The following DOCK11 variants were observed in gnomAD, a reference collection of about 807,000 sequenced individuals.
DOCK11 encodes dedicator of cytokinesis protein 11.
A neutral mutation model predicts 169.1 loss-of-function variants in DOCK11; 70 were observed. The observed-to-expected ratio is 0.41, with a 90% CI of 0.34 to 0.51. The LOEUF (loss-of-function observed/expected upper bound fraction) is 0.51, where lower values mean the gene tolerates loss of function less well. Among genes scored for constraint, DOCK11 ranks in the 20% least tolerant of loss-of-function variants. The pLI is 0.10. For synonymous variants in DOCK11, 529 were observed against 541.3 expected (o/e 0.98, Z 0.32); for missense variants, 1,166 against 1,538.8 (o/e 0.76, Z 4.05).
rs916779439 is a variant in DOCK11, at chrX:118,566,752, G to C, written c.951+99G>C. On this transcript the variant is annotated intron_variant, in intron 9 of 52. Coordinates refer to ENST00000276202, the MANE Select transcript of DOCK11 (RefSeq NM_144658.4). ...TTCCATTTGGCAATGTCATTTCCAC[G>C]TTAAAAACCACAGCAAATTGGTGAA... 6.5e-6 allele frequency: 5 copies of C among 769,212 alleles called. No individual in the cohort carries two copies. In the Admixed American group the frequency reaches 1.3e-4, roughly 20 times the overall value. The allele number at this position is 769,212 out of a possible 1,213,427, so 63.4% of individuals were successfully genotyped here.
Position 118,593,232 on chromosome X carries a change from A to G in DOCK11, c.2158A>G (p.Ile720Val). Residue 720 changes from isoleucine (I) to valine (V), a missense_variant, in exon 20 of 53, where the codon ATT (isoleucine) becomes GTT (valine). Ile to Val is a conservative substitution (Grantham distance 29, BLOSUM62 3). Coordinates refer to ENST00000276202, the MANE Select transcript of DOCK11 (RefSeq NM_144658.4). Reference sequence around the variant, plus strand: ...ATTTCAGATTAAAATTGAGCTTCCCATTCACCTACATCAAAAACATCATTT... The same window carrying G: ...ATTTCAGATTAAAATTGAGCTTCCCGTTCACCTACATCAAAAACATCATTT... The part of the protein sequence containing the change: ...FYDEIKIELP[I>V]HLHQKHHLLF... 1.7e-6 allele frequency: 2 copies of G among 1,199,104 alleles called. No homozygotes were observed. The highest frequency in any genetic ancestry group is 3.7e-5 in the South Asian group (2 of 53,903).
chrX:118,658,151 C>T (rs1473381062), intron 44 of DOCK11, among the ~76,000 whole-genome samples: 2 of 111,393 alleles, frequency 1.8e-5, no homozygotes, highest in Non-Finnish European at 3.8e-5. Context: ...TAATTGGGCA[C>T]CTTTAGAACT....
chrX:118,624,153 A>C (rs1202113286), intron 31 of DOCK11, among the ~76,000 whole-genome samples: 1 of 112,925 alleles, frequency 8.9e-6, no homozygotes, highest in Non-Finnish European at 1.9e-5. Flanking sequence ...ACCATCTGCT[A>C]TGTGCCCAGG....
chrX:118,631,282 G>A (rs921514452), intron 35 of DOCK11, among the ~76,000 whole-genome samples: 9 of 110,009 alleles, frequency 8.2e-5, no homozygotes, highest in East Asian at 2.8e-4. Context: ...TAATTATTTC[G>A]TTTTAAATAT....
chrX:118,610,799 G>A (rs1269292854), intron 28 of DOCK11, among the ~76,000 whole-genome samples: 1 of 111,760 alleles, frequency 8.9e-6, no homozygotes, highest in Admixed American at 9.5e-5. Flanking sequence ...AGCACTTTGG[G>A]AGGCCGAGGT....
In DOCK11 at chrX:118,685,741, A is replaced by G. The variant is rs2016844250; in HGVS notation, c.6156A>G (p.Val2052=). ...CCTGGATGAGCAACACATTACATGT[A>G]TTTTGTGCAATTAGTGGTACATCAA... ...HSPWMSNTLH[V]FCAISGTSSD... Residue 2052 remains valine (V), a synonymous_variant, in exon 53 of 53, where the codon GTA becomes GTG. Coordinates refer to ENST00000276202, the MANE Select transcript of DOCK11 (RefSeq NM_144658.4). 2.5e-6 allele frequency: 3 copies of G among 1,210,843 alleles called. No individual in the cohort carries two copies. Among genetic ancestry groups the G allele is most frequent in the Non-Finnish European group, 3.4e-6 (3 of 894,617 alleles).
At chrX:118,501,490 AAAGT>A (rs1171410714) in intron 1 of DOCK11, among the ~76,000 whole-genome samples, 15 of 112,203 alleles carry the variant, frequency 1.3e-4, no homozygotes, top group African/African-American at 4.9e-4. Flanking sequence ...CGACTCAAAA[AAAGT>A]AATAATAATA....
intron 32 of DOCK11, among the ~76,000 whole-genome samples, chrX:118,624,908 G>A (rs1281119842): frequency 5.5e-5 from 6 of 108,586 alleles, no homozygotes; most frequent in African/African-American, 1.3e-4. Flanking sequence ...ACAGGCATAC[G>A]CCACCATGCC....
intron 1 of DOCK11, among the ~76,000 whole-genome samples, chrX:118,499,828 C>G (rs2057562145): frequency 9.0e-6 from 1 of 111,257 alleles, no homozygotes; most frequent in South Asian, 3.7e-4. Context: ...AAAATAGTCT[C>G]GCTACTGGAG....
intron 1 of DOCK11, among the ~76,000 whole-genome samples, chrX:118,512,670 C>T (rs906372859): frequency 1.7e-4 from 19 of 111,789 alleles, no homozygotes; most frequent in African/African-American, 6.2e-4. Flanking sequence ...CATCAGACAC[C>T]CATAGGGGCC....
At chrX:118,578,028 G>A (rs1249731335) in intron 12 of DOCK11, among the ~76,000 whole-genome samples, 1 of 112,098 alleles carries the variant, frequency 8.9e-6, no homozygotes, top group African/African-American at 3.2e-5. Flanking sequence ...ATGAGTTTTG[G>A]ATTCTCTGTC....
At chrX:118,563,714 T>A (rs2012985346) in intron 7 of DOCK11, among the ~76,000 whole-genome samples, 1 of 107,803 alleles carries the variant, frequency 9.3e-6, no homozygotes, top group South Asian at 4.0e-4. Context: ...TTTTTTCTTT[T>A]CTTTTTTTTT....
intron 35 of DOCK11, chrX:118,634,281 T>C (rs1307508117): frequency 9.0e-6 from 1 of 111,710 alleles, no homozygotes; most frequent in Non-Finnish European, 1.9e-5. Flanking sequence ...CAACCTCTCC[T>C]CCCTCCTACA....
intron 45 of DOCK11, among the ~76,000 whole-genome samples, chrX:118,668,718 G>C (rs757706601): frequency 1.7e-3 from 188 of 111,275 alleles, no homozygotes; most frequent in African/African-American, 5.6e-3. Context: ...ATAAATCTTT[G>C]CCAAAAAAGT....
intron 22 of DOCK11, 65 bp downstream of exon 22, chrX:118,598,181 C>A: frequency 1.2e-6 from 1 of 816,493 alleles, no homozygotes; most frequent in Non-Finnish European, 1.8e-6. Context: ...AAATAGACCA[C>A]ATTTGATTCC....
At chrX:118,563,572 A>G (rs918623584) in intron 7 of DOCK11, among the ~76,000 whole-genome samples, 1 of 110,235 alleles carries the variant, frequency 9.1e-6, no homozygotes, top group African/African-American at 3.3e-5. Context: ...ATTCATATAT[A>G]TGAATTCATA....
intron 1 of DOCK11, among the ~76,000 whole-genome samples, chrX:118,515,904 A>G (rs1390688386): frequency 9.9e-6 from 1 of 101,255 alleles, no homozygotes; most frequent in South Asian, 4.7e-4. Context: ...ACATTGGAAG[A>G]ATAACATGAA....
Position 118,672,647 on chromosome X carries a change from A to G in DOCK11, c.5199+1502A>G, listed in dbSNP as rs775848948. Among the ~76,000 whole-genome samples, 164 of 112,456 alleles carry G rather than the reference A, an allele frequency of 1.5e-3. 2 individuals carry two copies. Among genetic ancestry groups the G allele is most frequent in the East Asian group, 5.6e-3 (20 of 3,589 alleles). ...AGGCAGGGTTTCACCGTGTTAGCCA[A>G]GATGGTCTCGATCTCCTGACCTTGT... On this transcript the variant is annotated intron_variant, in intron 46 of 52. Transcript: ENST00000276202.
At position 118,503,107 on chromosome X, in the gene DOCK11, CTT is replaced by C. The variant is rs780434880; in HGVS notation, c.102+7035_102+7036del. Among the ~76,000 whole-genome samples the C allele has an allele frequency of 2.2e-3, 207 of 94,864 alleles. 1 individual carries two copies. Among genetic ancestry groups the C allele is most frequent in the Admixed American group, 0.02 (168 of 8,497 alleles). 82.4% of individuals were successfully genotyped at this position (94,864 alleles called of 115,157 possible). ...TTTTTTTTTGAAATGGAGTTTCACT[CTT>C]GTCGCCCAGGCACGATCTTGGCTCA... On this transcript the variant is annotated intron_variant, in intron 1 of 52. Coordinates refer to ENST00000276202, the MANE Select transcript of DOCK11 (RefSeq NM_144658.4).
Sources: gnomAD v4.1 joint callset for allele counts (sites outside exome capture counted in the v4.1 genomes callset) on GRCh38, gnomAD v4.1.1 for gene constraint, MANE v1.5 for transcripts, NCBI Gene and HGNC (gene_info 2026-07-23, HGNC 2026-07-21) for gene names.